ANKS1B: variants seen among roughly 807,000 people sequenced by gnomAD.
ANKS1B encodes the protein ankyrin repeat and sterile alpha motif domain containing 1B.
In ANKS1B, 36 loss-of-function variants were observed where a neutral mutation model predicts 148.3. The ratio of observed to expected loss-of-function variants is 0.24; its 90% CI spans 0.19 to 0.32. ANKS1B has a LOEUF of 0.32. ANKS1B is among the 10% of genes least tolerant of loss of function. ANKS1B has a pLI of 1.00. For missense variants in ANKS1B, 1,157 were observed against 1,542.6 expected, an observed-to-expected ratio of 0.75 and a Z score of 4.19; for synonymous variants, 542 against 560.8, an observed-to-expected ratio of 0.97 and a Z score of 0.47.
intron 1 of ANKS1B, among the ~76,000 whole-genome samples, chr12:99,901,201 C>T (rs1271397097): frequency 6.6e-6 from 1 of 152,120 alleles, no homozygotes; most frequent in Admixed American, 6.5e-5. Flanking sequence ...AAACTAGACA[C>T]AGTTTTGGAA....
intron 17 of ANKS1B, among the ~76,000 whole-genome samples, chr12:99,011,263 C>T (rs1250047076): frequency 6.6e-6 from 1 of 152,102 alleles, no homozygotes; most frequent in African/African-American, 2.4e-5. Flanking sequence ...ATTTGTTATA[C>T]AGCCATAAAA....
chr12:99,523,339 T>G (rs1398875322), intron 9 of ANKS1B, among the ~76,000 whole-genome samples: 1 of 152,054 alleles, frequency 6.6e-6, no homozygotes, highest in Non-Finnish European at 1.5e-5. Flanking sequence ...ATGACAAACA[T>G]TTAAAAGGTA....
chr12:99,229,328 C>T (rs2086452732), intron 14 of ANKS1B, among the ~76,000 whole-genome samples: 1 of 151,688 alleles, frequency 6.6e-6, no homozygotes, highest in African/African-American at 2.4e-5. Context: ...TTTAAATTTT[C>T]TATTAATGGT....
chr12:99,426,797 T>C (rs972028425), intron 11 of ANKS1B, among the ~76,000 whole-genome samples: 1 of 152,070 alleles, frequency 6.6e-6, no homozygotes, highest in African/African-American at 2.4e-5. Context: ...ATCTAGAGGG[T>C]ATCTAAAACT....
At chr12:99,012,795 G>GCA (rs893683222) in intron 17 of ANKS1B, among the ~76,000 whole-genome samples, 3 of 152,048 alleles carry the variant, frequency 2.0e-5, no homozygotes, top group African/African-American at 7.2e-5. Flanking sequence ...GATACCTCTT[G>GCA]CACAAATTCA....
At chr12:99,592,859 C>T (rs1234106442) in intron 9 of ANKS1B, among the ~76,000 whole-genome samples, 2 of 152,046 alleles carry the variant, frequency 1.3e-5, no homozygotes, top group Admixed American at 6.6e-5. Context: ...GAAAGATATA[C>T]ATTGGTTCAG....
chr12:98,886,444 T>C (rs1333317627), intron 17 of ANKS1B, among the ~76,000 whole-genome samples: 1 of 152,184 alleles, frequency 6.6e-6, no homozygotes. Flanking sequence ...TGAATGGAGA[T>C]GAAAATGACA....
chr12:99,153,577 G>A (rs2075503608), intron 15 of ANKS1B, among the ~76,000 whole-genome samples: 1 of 152,154 alleles, frequency 6.6e-6, no homozygotes, highest in Non-Finnish European at 1.5e-5. Context: ...ACGGTGGAAA[G>A]TTAGCACATG....
At chr12:98,870,319 T>C (rs2099651060) in intron 17 of ANKS1B, among the ~76,000 whole-genome samples, 1 of 152,202 alleles carries the variant, frequency 6.6e-6, no homozygotes, top group Non-Finnish European at 1.5e-5. Context: ...GCAGCTATCT[T>C]CAGTAATACA....
At chr12:99,199,047 C>T (rs1043623042) in intron 14 of ANKS1B, among the ~76,000 whole-genome samples, 8 of 152,186 alleles carry the variant, frequency 5.3e-5, no homozygotes, top group South Asian at 2.1e-4. Flanking sequence ...AAAGCTAGTA[C>T]TAAATTGCCA....
chr12:99,280,212 GAGAGAA>G (rs2078230952), intron 12 of ANKS1B, among the ~76,000 whole-genome samples: 1 of 151,770 alleles, frequency 6.6e-6, no homozygotes, highest in Non-Finnish European at 1.5e-5. Flanking sequence ...GTGAGAGAGA[GAGAGAA>G]AGAGAAAGAG....
At chr12:99,443,912 C>G in intron 10 of ANKS1B, 103 bp from the exon 11 acceptor site, 23 of 1,335,388 alleles carry the variant, frequency 1.7e-5, no homozygotes, top group Non-Finnish European at 2.3e-5. Flanking sequence ...ACTTTTAAAA[C>G]TGGTATCAAT....
chr12:99,206,265 T>C (rs931000018), intron 14 of ANKS1B, among the ~76,000 whole-genome samples: 2 of 152,178 alleles, frequency 1.3e-5, no homozygotes, highest in Admixed American at 1.3e-4. Flanking sequence ...ACTCCACCTT[T>C]CAGCCACACT....
chr12:99,828,236 C>T (rs1346957740), intron 1 of ANKS1B, among the ~76,000 whole-genome samples: 1 of 152,162 alleles, frequency 6.6e-6, no homozygotes, highest in Admixed American at 6.5e-5. Flanking sequence ...CATTCTCTGG[C>T]ACAGATAAAA....
rs1017582692 is a variant in ANKS1B at position 99,743,504 on chromosome 12, G to A, written c.1128+29418C>T. 3.9e-5 allele frequency among the ~76,000 whole-genome samples: 6 copies of A among 152,076 alleles called. No individual in the cohort carries two copies. In the South Asian group the frequency reaches 6.2e-4, roughly 16 times the overall value. On this transcript the variant is annotated intron_variant, in intron 8 of 26. Coordinates refer to ENST00000683438, the MANE Select transcript of ANKS1B (RefSeq NM_001352186.2). ...CTCAGAATGAAATCTACAACATAAC[G>A]TTAATCTTTTAAGGATAGAGAGGAA...
At chr12:99,018,348 C>T (rs555437085) in intron 17 of ANKS1B, among the ~76,000 whole-genome samples, 34 of 152,262 alleles carry the variant, frequency 2.2e-4, no homozygotes, top group African/African-American at 6.0e-4. Flanking sequence ...CCCCCAGACA[C>T]GGAAACTACT....
intron 12 of ANKS1B, among the ~76,000 whole-genome samples, chr12:99,253,138 G>T (rs777831423): frequency 2.4e-4 from 36 of 151,838 alleles, no homozygotes; most frequent in Non-Finnish European, 2.9e-4. Flanking sequence ...GAGATGGGAG[G>T]ATTGCTTGAG....
Position 98,943,285 on chromosome 12 carries a change from A to G in ANKS1B, c.2778+109872T>C, listed in dbSNP as rs552292402. On this transcript the variant is annotated intron_variant, in intron 17 of 26. Transcript: ENST00000683438. ...AGCATCTGAGGATGTTCCAAACTCA[A>G]GGCTATTTCAGTACCTTTGTATTTG... is the stretch of plus-strand genomic sequence containing the variant. 2.0e-5 allele frequency among the ~76,000 whole-genome samples: 3 copies of G among 152,332 alleles called. No homozygotes were observed. The South Asian group carries it at 6.2e-4, about 32-fold the overall frequency.
At chr12:99,316,367 C>T (rs917245068) in intron 12 of ANKS1B, among the ~76,000 whole-genome samples, 40 of 152,012 alleles carry the variant, frequency 2.6e-4, no homozygotes, top group Admixed American at 2.0e-3. Context: ...GCCATTTTAA[C>T]TGGTGTGAGA....
Sources: gnomAD v4.1 joint callset for allele counts (sites outside exome capture counted in the v4.1 genomes callset) on GRCh38, gnomAD v4.1.1 for gene constraint, MANE v1.5 for transcripts, NCBI Gene and HGNC (gene_info 2026-07-23, HGNC 2026-07-21) for gene names.